MDFIC: variants seen among roughly 807,000 people sequenced by gnomAD.
MDFIC encodes the protein MyoD family inhibitor domain containing, also known as myoD family inhibitor domain-containing protein.
A neutral mutation model predicts 23.2 loss-of-function variants in MDFIC; 17 were observed. The observed-to-expected ratio is 0.73, with a 90% CI of 0.50 to 1.10. MDFIC has a LOEUF of 1.10. Ranked by LOEUF, MDFIC falls within the 50% of genes least tolerant of loss-of-function variation. The pLI is 0.00. For synonymous variants in MDFIC, 120 were observed against 115.2 expected, an observed-to-expected ratio of 1.04 and a Z score of -0.27; for missense variants, 356 against 316.6, an observed-to-expected ratio of 1.12 and a Z score of -0.95.
At chr7:114,949,759 G>A (rs1194553075) in intron 3 of MDFIC, among the ~76,000 whole-genome samples, 2 of 144,030 alleles carry the variant, frequency 1.4e-5, no homozygotes, top group East Asian at 4.2e-4. Context: ...AGTGCAGGCT[G>A]TAGTAGGTTC....
rs1311094364 is a variant in MDFIC, at chr7:115,017,873, C to T, written c.*1938C>T. 3 of 151,968 alleles carry T rather than the reference C, an allele frequency of 2.0e-5. No individual in the cohort carries two copies. The highest frequency in any genetic ancestry group is 2.1e-4 in the South Asian group (1 of 4,830). 9.4% of individuals were successfully genotyped at this position (151,968 alleles called of 1,614,324 possible). ...AGAAGCATAATTTTAGGAAGGCTTT[C>T]GCAAACCTAGCCTTTTAAGAGAGGT... On this transcript the variant is annotated 3_prime_UTR_variant, in exon 5 of 5. Transcript: ENST00000393486.
At chr7:114,957,231 T>C (rs953611624) in intron 3 of MDFIC, among the ~76,000 whole-genome samples, 2 of 152,170 alleles carry the variant, frequency 1.3e-5, no homozygotes, top group Non-Finnish European at 2.9e-5. Context: ...TATGTTATAT[T>C]TGAGTAAAGT....
At chr7:114,979,891 A>C (rs924238983) in intron 4 of MDFIC, 110 bp downstream of exon 4, 8 of 1,337,898 alleles carry the variant, frequency 6.0e-6, no homozygotes, top group Non-Finnish European at 8.4e-6. Flanking sequence ...TCCTTCAGAC[A>C]AACAGGAATT....
chr7:114,956,041 G>A (rs1792876682), intron 3 of MDFIC, among the ~76,000 whole-genome samples: 1 of 152,098 alleles, frequency 6.6e-6, no homozygotes, highest in African/African-American at 2.4e-5. Flanking sequence ...ATGGAGAGTG[G>A]GGTAGAGATA....
chr7:115,013,017 A>G (rs776423181), intron 4 of MDFIC, among the ~76,000 whole-genome samples: 7 of 152,152 alleles, frequency 4.6e-5, no homozygotes, highest in Non-Finnish European at 1.0e-4. Flanking sequence ...GGATACATCA[A>G]TCATTGTATG....
chr7:114,995,755 A>T (rs138766979), intron 4 of MDFIC, among the ~76,000 whole-genome samples: 15,024 of 152,154 alleles, frequency 0.099, 1,068 homozygotes, highest in African/African-American at 0.2. Flanking sequence ...GTCTGCCCCT[A>T]CTGGGGGGTG....
intron 4 of MDFIC, among the ~76,000 whole-genome samples, chr7:114,993,141 A>G (rs1413473581): frequency 6.6e-6 from 1 of 152,090 alleles, no homozygotes; most frequent in African/African-American, 2.4e-5. Flanking sequence ...ATTTGTGTAG[A>G]GGTGTTTATA....
intron 2 of MDFIC, among the ~76,000 whole-genome samples, chr7:114,934,310 T>A (rs1792384301): frequency 6.6e-6 from 1 of 152,186 alleles, no homozygotes; most frequent in African/African-American, 2.4e-5. Context: ...CATATCAGAT[T>A]GCTGTTATCC....
chr7:114,949,467 C>T, intron 3 of MDFIC, among the ~76,000 whole-genome samples: 1 of 152,140 alleles, frequency 6.6e-6, no homozygotes, highest in East Asian at 1.9e-4. Context: ...AGTTCTCAAA[C>T]CTCAAACTTC....
Position 115,018,506 on chromosome 7 carries a change from A to G in MDFIC, c.*2571A>G, listed in dbSNP as rs1382627158. 1 of 152,436 alleles carries G rather than the reference A, an allele frequency of 6.6e-6. No individual in the cohort carries two copies. The allele number at this position is 152,436 out of a possible 1,614,324, so 9.4% of individuals were successfully genotyped here. On this transcript the variant is annotated 3_prime_UTR_variant, in exon 5 of 5. Coordinates refer to ENST00000393486, the MANE Select transcript of MDFIC (RefSeq NM_001166345.3). ...TCTACTCCAGACAGTTATTCCATAA[A>G]GCATTTGTATAATTAAAAGGAAAAC...
chr7:114,990,145 C>T (rs1316851742), intron 4 of MDFIC, among the ~76,000 whole-genome samples: 1 of 152,126 alleles, frequency 6.6e-6, no homozygotes, highest in Non-Finnish European at 1.5e-5. Flanking sequence ...ATGCTCTACT[C>T]ATCATTGAAT....
intron 3 of MDFIC, among the ~76,000 whole-genome samples, chr7:114,970,885 G>A (rs943042414): frequency 1.3e-5 from 2 of 152,142 alleles, no homozygotes; most frequent in African/African-American, 4.8e-5. Flanking sequence ...AAGGCAAGTG[G>A]GGGCTGAACT....
intron 4 of MDFIC, among the ~76,000 whole-genome samples, chr7:115,015,018 C>T (rs1756043018): frequency 6.6e-6 from 1 of 152,088 alleles, no homozygotes; most frequent in Non-Finnish European, 1.5e-5. Context: ...TTCACATTTG[C>T]TAAGGTACAA....
intron 2 of MDFIC, among the ~76,000 whole-genome samples, chr7:114,933,112 C>G (rs1345811865): frequency 6.6e-6 from 1 of 152,122 alleles, no homozygotes; most frequent in Non-Finnish European, 1.5e-5. Flanking sequence ...TAAAAATGTT[C>G]TTCATAAAAT....
At chr7:114,977,439 C>T (rs1189344378) in intron 3 of MDFIC, among the ~76,000 whole-genome samples, 4 of 152,140 alleles carry the variant, frequency 2.6e-5, no homozygotes, top group Admixed American at 2.0e-4. Context: ...CATAAGTTGT[C>T]CCTCACTGCT....
intron 3 of MDFIC, among the ~76,000 whole-genome samples, chr7:114,966,991 T>A (rs1793110287): frequency 6.6e-6 from 1 of 152,166 alleles, no homozygotes; most frequent in Non-Finnish European, 1.5e-5. Context: ...AAAAAATATA[T>A]CTACTTAGAG....
intron 4 of MDFIC, among the ~76,000 whole-genome samples, chr7:114,995,258 T>A (rs1052333996): frequency 6.6e-6 from 1 of 152,204 alleles, no homozygotes; most frequent in Non-Finnish European, 1.5e-5. Flanking sequence ...CTAATCTTTT[T>A]TCAAGGTTTT....
At chr7:114,936,022 T>C (rs1483677174) in intron 2 of MDFIC, among the ~76,000 whole-genome samples, 3 of 152,160 alleles carry the variant, frequency 2.0e-5, no homozygotes, top group African/African-American at 4.8e-5. Context: ...CACTGTGCTT[T>C]CCTGTCTTGA....
At chr7:114,994,985 C>T (rs1435653358) in intron 4 of MDFIC, among the ~76,000 whole-genome samples, 1 of 152,150 alleles carries the variant, frequency 6.6e-6, no homozygotes, top group Non-Finnish European at 1.5e-5. Flanking sequence ...TCAGGTACAC[C>T]AATCAGACGT....
Sources: gnomAD v4.1 joint callset for allele counts (sites outside exome capture counted in the v4.1 genomes callset) on GRCh38, gnomAD v4.1.1 for gene constraint, MANE v1.5 for transcripts, NCBI Gene and HGNC (gene_info 2026-07-23, HGNC 2026-07-21) for gene names.